The following CCDC187 variants were observed in gnomAD, a reference collection of about 807,000 sequenced individuals.
The protein encoded by CCDC187 is coiled-coil domain containing 187.
CCDC187 carries 32 observed loss-of-function variants against 38.0 expected under a neutral mutation model. The ratio of observed to expected loss-of-function variants is 0.84; its 90% CI spans 0.64 to 1.13. The LOEUF (loss-of-function observed/expected upper bound fraction) is 1.13. Among genes scored for constraint, CCDC187 ranks in the 50% most tolerant of loss-of-function variants. The pLI, the probability that CCDC187 is intolerant of heterozygous loss-of-function variation, is 0.00. For missense variants in CCDC187, 707 were observed against 786.8 expected, an observed-to-expected ratio of 0.90 and a Z score of 1.21; for synonymous variants, 333 against 347.9, an observed-to-expected ratio of 0.96 and a Z score of 0.48.
chr9:136,297,457 T>C lies in CCDC187; in HGVS notation c.832+257A>G, dbSNP rs1430037146. ...TGGTGTTTGGTGGACTTTCACTTTG[T>C]CTCAAGGGACACGCCCCTGCCCGGA... On this transcript the variant is annotated intron_variant, in intron 4 of 25. Coordinates refer to ENST00000638797, the MANE Select transcript of CCDC187 (RefSeq NM_001378188.1). Among the ~76,000 whole-genome samples, 11 of 152,210 alleles carry C rather than the reference T, an allele frequency of 7.2e-5. No individual in the cohort carries two copies. In the East Asian group the frequency reaches 2.1e-3, roughly 29 times the overall value.
At chr9:136,284,439 G>C (rs1175347124) in intron 9 of CCDC187, among the ~76,000 whole-genome samples, 1 of 152,172 alleles carries the variant, frequency 6.6e-6, no homozygotes, top group Non-Finnish European at 1.5e-5. Context: ...TGCCCCGCCC[G>C]TGGTGCTGAG....
chr9:136,297,962 G>A, intron 3 of CCDC187, 141 bp from the exon 4 acceptor site: 1 of 393,774 alleles, frequency 2.5e-6, no homozygotes, highest in East Asian at 3.6e-5. Flanking sequence ...CTCCCTGCTT[G>A]GCGAGAGCCA....
intron 24 of CCDC187, 50 bp downstream of exon 24, chr9:136,256,161 G>A (rs757061537): frequency 2.2e-4 from 203 of 938,206 alleles, no homozygotes; most frequent in Admixed American, 2.5e-4. Context: ...GGCTGAACCC[G>A]TCTCCGTGCC....
intron 3 of CCDC187, 85 bp from the exon 4 acceptor site, chr9:136,297,906 T>C: frequency 2.5e-6 from 1 of 394,212 alleles, no homozygotes; most frequent in Non-Finnish European, 4.5e-6. Context: ...TACCCCGGGG[T>C]CCTGTGCAAA....
intron 20 of CCDC187, 117 bp from the exon 21 acceptor site, chr9:136,259,565 G>T: frequency 3.0e-6 from 1 of 329,832 alleles, no homozygotes; most frequent in Non-Finnish European, 4.3e-6. Context: ...GGAGAGACAA[G>T]CTAACCTCAA....
Position 136,254,360 on chromosome 9 carries a change from C to T in CCDC187, c.5468G>A (p.Gly1823Glu). The T allele has an allele frequency of 1.0e-6, 1 of 984,594 alleles. No individual in the cohort carries two copies. Among genetic ancestry groups the T allele is most frequent in the Non-Finnish European group, 1.2e-6 (1 of 829,486 alleles). 61.0% of individuals were successfully genotyped at this position (984,594 alleles called of 1,614,324 possible). A position where few individuals can be genotyped will look rare whatever the true frequency, so the allele number is the denominator to read the frequency against. ...GGGCTCCATGCCGCTTCTGACACCCCCTTTCAGGCTCTCGCTGGTCCCAGA... is the reference window on the plus strand; with the variant it reads ...GGGCTCCATGCCGCTTCTGACACCCTCTTTCAGGCTCTCGCTGGTCCCAGA... The part of the protein sequence containing the change: ...EASGTSESLK[G>E]GVRSGMEPQV... Residue 1823 changes from glycine to glutamate, a missense_variant, in exon 26 of 26, where the codon GGG becomes GAG. By Grantham distance (98) the Gly-to-Glu change is moderately conservative. Coordinates refer to ENST00000638797, the MANE Select transcript of CCDC187 (RefSeq NM_001378188.1).
rs1830708336 is a variant in CCDC187, at chr9:136,263,767, A to ACC, written c.3766_3767insGG (p.Leu1256ArgfsTer77). 2 of 985,358 alleles carry ACC rather than the reference A, an allele frequency of 2.0e-6. No individual in the cohort carries two copies. The highest frequency in any genetic ancestry group is 1.2e-4 in the Admixed American group (2 of 16,276). The allele number at this position is 985,358 out of a possible 1,614,324, so 61.0% of individuals were successfully genotyped here. On this transcript the variant is annotated frameshift_variant, in exon 18 of 26. Coordinates refer to ENST00000638797, the MANE Select transcript of CCDC187 (RefSeq NM_001378188.1). LOFTEE classifies it high-confidence loss of function. Reference sequence around the variant, plus strand: ...CAGCTTCCTGTCCCGGTGCCTGAACAGCTGCGTGTGTCTCAGGTATTGGAT... The same window carrying ACC: ...CAGCTTCCTGTCCCGGTGCCTGAACACCGCTGCGTGTGTCTCAGGTATTGGAT...
In CCDC187 at chr9:136,254,356, AC is replaced by A. The variant is rs1554760000; in HGVS notation, c.5471del (p.Gly1824ValfsTer30). 2.1e-6 allele frequency: 2 copies of A among 964,204 alleles called. No individual in the cohort carries two copies. The highest frequency in any genetic ancestry group is 2.0e-5 in the African/African-American group (1 of 50,044). The allele number at this position is 964,204 out of a possible 1,614,324, so 59.7% of individuals were successfully genotyped here. On this transcript the variant is annotated frameshift_variant, in exon 26 of 26. Coordinates refer to ENST00000638797, the MANE Select transcript of CCDC187 (RefSeq NM_001378188.1). LOFTEE classifies it low-confidence loss of function (END_TRUNC). ...ASGTSESLKG[G>X]VRSGMEPQVA... is the part of the protein sequence containing the mutation. ...CCTGGGGCTCCATGCCGCTTCTGAC[AC>A]CCCCTTTCAGGCTCTCGCTGGTCCC... is the stretch of plus-strand genomic sequence containing the variant.
At chr9:136,260,396 G>T in intron 19 of CCDC187, 132 bp from the exon 20 acceptor site, 7 of 517,990 alleles carry the variant, frequency 1.4e-5, no homozygotes, top group Non-Finnish European at 1.7e-5. Context: ...GATGGCTGTG[G>T]TCAGTGGCCA....
rs782205393 is a variant in CCDC187, at chr9:136,268,742, TA to T, written c.3443-618del. Among the ~76,000 whole-genome samples the T allele has an allele frequency of 5.8e-4, 88 of 151,720 alleles. No individual in the cohort carries two copies. In the Middle Eastern group the frequency reaches 0.017, roughly 29 times the overall value. The stretch of plus-strand genomic sequence containing the variant: ...AGATATGTGTGTGTATACATATATA[TA>T]TATTTTTTCACACACACATATGAAA... On this transcript the variant is annotated intron_variant, in intron 14 of 25. Coordinates refer to ENST00000638797, the MANE Select transcript of CCDC187 (RefSeq NM_001378188.1).
At position 136,263,747 on chromosome 9, in the gene CCDC187, TC is replaced by T. The variant is rs1327733803; in HGVS notation, c.3786del (p.Lys1263SerfsTer69). ...RHTQLFRHRD[R>X]KLLLQHQRDV... is the part of the protein sequence containing the mutation. ...TCCCTCTGATGCTGCAGAAGCAGCT[TC>T]CTGTCCCGGTGCCTGAACAGCTGCG... On this transcript the variant is annotated frameshift_variant, in exon 18 of 26. Transcript: ENST00000638797. LOFTEE classifies it high-confidence loss of function. The T allele has an allele frequency of 2.0e-6, 2 of 985,354 alleles. No individual in the cohort carries two copies. The highest frequency in any genetic ancestry group is 3.5e-5 in the African/African-American group (2 of 57,250). 61.0% of individuals were successfully genotyped at this position (985,354 alleles called of 1,614,324 possible).
At chr9:136,287,194 A>G (rs1831202722) in intron 7 of CCDC187, among the ~76,000 whole-genome samples, 1 of 152,140 alleles carries the variant, frequency 6.6e-6, no homozygotes. Context: ...ATGGAAGGAC[A>G]TTCCGACGCA....
chr9:136,306,356 G>A (rs1404120085), upstream of CCDC187, among the ~76,000 whole-genome samples: 2 of 152,184 alleles, frequency 1.3e-5, no homozygotes, highest in Non-Finnish European at 2.9e-5. Context: ...AGCTCAGTGA[G>A]GCACATGCAG....
intron 4 of CCDC187, among the ~76,000 whole-genome samples, chr9:136,293,620 A>G (rs1429366666): frequency 6.6e-6 from 1 of 151,786 alleles, no homozygotes; most frequent in Non-Finnish European, 1.5e-5. Flanking sequence ...ATGCACGCCA[A>G]TGCTGACAGG....
rs1408281840 is a variant in CCDC187 at position 136,290,882 on chromosome 9, G to A, written c.1731C>T (p.Gly577=). ...TGCCCTGGGGGCCGGCCCTCTGCAC[G>A]CCGGAGCTGCTCCAGGGCCGCTGGG... ...PPAQRPWSSS[G]VQRAGPQGKG... Residue 577 remains glycine, a synonymous_variant, in exon 6 of 26, where the codon GGC becomes GGT. Coordinates refer to ENST00000638797, the MANE Select transcript of CCDC187 (RefSeq NM_001378188.1). 8 of 398,474 alleles carry A rather than the reference G, an allele frequency of 2.0e-5. No individual in the cohort carries two copies. The highest frequency in any genetic ancestry group is 1.1e-4 in the East Asian group (3 of 28,082). 24.7% of individuals were successfully genotyped at this position (398,474 alleles called of 1,614,324 possible).
rs1342782075 is a variant in CCDC187, at chr9:136,269,520, C to T, written c.3443-1395G>A. Among the ~76,000 whole-genome samples, 5 of 152,140 alleles carry T rather than the reference C, an allele frequency of 3.3e-5. No individual in the cohort carries two copies. The East Asian group carries it at 5.8e-4, about 18-fold the overall frequency. On this transcript the variant is annotated intron_variant, in intron 14 of 25. Transcript: ENST00000638797. ...AAAATTAGCTGGGCGTGGTGGTGGG[C>T]GCCTGTAGTCCCAGGTACTCGGGAG...
At position 136,257,869 on chromosome 9, in the gene CCDC187, G is replaced by A. The variant is rs1477291597; in HGVS notation, c.4367-1028C>T. Among the ~76,000 whole-genome samples, 8 of 152,148 alleles carry A rather than the reference G, an allele frequency of 5.3e-5. No homozygotes were observed. Among genetic ancestry groups the A allele is most frequent in the Admixed American group, 2.6e-4 (4 of 15,284 alleles). On this transcript the variant is annotated intron_variant, in intron 22 of 25. Coordinates refer to ENST00000638797, the MANE Select transcript of CCDC187 (RefSeq NM_001378188.1). This position sits in a 1 kb window ranked among gnomAD's most constrained non-coding sequence, Gnocchi z 4.5. ...GCAGTCTTTTGATCAGAGAGCGGCCGGCACCGCAGTCAGGCAGACTCAGGG... is the reference window on the plus strand; with the variant it reads ...GCAGTCTTTTGATCAGAGAGCGGCCAGCACCGCAGTCAGGCAGACTCAGGG...
Position 136,258,056 on chromosome 9 carries a change from G to A in CCDC187, c.4366+876C>T, listed in dbSNP as rs1830635355. 1.3e-5 allele frequency among the ~76,000 whole-genome samples: 2 copies of A among 152,288 alleles called. No homozygotes were observed. The highest frequency in any genetic ancestry group is 4.1e-4 in the South Asian group (2 of 4,826). On this transcript the variant is annotated intron_variant, in intron 22 of 25. Coordinates refer to ENST00000638797, the MANE Select transcript of CCDC187 (RefSeq NM_001378188.1). The surrounding 1 kb of genome is among the most constrained non-coding windows in gnomAD (Gnocchi z 4.3). ...TGACAGCTGGTACACGTGGCCATGCGGCGAGGGAGGCTTCAGGCTGAGCAA... is the reference window on the plus strand; with the variant it reads ...TGACAGCTGGTACACGTGGCCATGCAGCGAGGGAGGCTTCAGGCTGAGCAA...
At position 136,286,652 on chromosome 9, in the gene CCDC187, G is replaced by C; in HGVS notation, c.2266C>G (p.Leu756Val). ...LNRAWNHAET[L>V]DPPGMGGPQD... is the part of the protein sequence containing the mutation. Reference sequence around the variant, plus strand: ...GGGCCCCCCATCCCTGGGGGATCTAGGGTCTCAGCATGGTTCCAGGCTCTG... The same window carrying C: ...GGGCCCCCCATCCCTGGGGGATCTACGGTCTCAGCATGGTTCCAGGCTCTG... Residue 756 changes from leucine to valine, a missense_variant, in exon 8 of 26, where the codon CTA (leucine) becomes GTA (valine). Transcript: ENST00000638797. 1 of 398,870 alleles carries C rather than the reference G, an allele frequency of 2.5e-6. No homozygotes were observed. The highest frequency in any genetic ancestry group is 4.4e-5 in the Admixed American group (1 of 22,740). 24.7% of individuals were successfully genotyped at this position (398,870 alleles called of 1,614,324 possible). A position where few individuals can be genotyped will look rare whatever the true frequency, so the allele number is the denominator to read the frequency against.
Sources: allele counts gnomAD v4.1 joint callset (sites outside exome capture counted in the v4.1 genomes callset), GRCh38; gene constraint gnomAD v4.1.1; non-coding constraint Gnocchi (gnomAD v3.1); transcripts MANE v1.5; gene names NCBI Gene and HGNC (gene_info 2026-07-23, HGNC 2026-07-21).